Variants in MYO1E observed in about 807,000 individuals in gnomAD.
MYO1E encodes unconventional myosin-Ie.
Under a neutral mutation model 151.1 loss-of-function variants are expected in MYO1E, and 68 were observed. That is an observed-to-expected ratio of 0.45 (90% confidence interval 0.37 to 0.55). MYO1E has a LOEUF of 0.55. MYO1E is among the 20% of genes least tolerant of loss of function. The pLI, the probability that MYO1E is intolerant of heterozygous loss-of-function variation, is 0.00. For synonymous variants in MYO1E, 601 were observed against 501.7 expected (o/e 1.20, Z -2.64); for missense variants, 1,363 against 1,389.3 (o/e 0.98, Z 0.30).
At chr15:59,369,116 C>T (rs887424571) in intron 1 of MYO1E, among the ~76,000 whole-genome samples, 2 of 152,194 alleles carry the variant, frequency 1.3e-5, no homozygotes, top group Non-Finnish European at 2.9e-5. Flanking sequence ...AGGTTACCTT[C>T]CCAGGAAACA....
intron 2 of MYO1E, 170 bp downstream of exon 2, chr15:59,272,136 A>G: frequency 1.5e-6 from 1 of 671,816 alleles, no homozygotes; most frequent in Non-Finnish European, 2.6e-6. Context: ...TATTTTTTAT[A>G]ATAGAGATGG....
intron 11 of MYO1E, 41 bp downstream of exon 11, chr15:59,214,599 C>T (rs775006919): frequency 7.2e-5 from 107 of 1,476,504 alleles, no homozygotes; most frequent in Non-Finnish European, 8.8e-5. Context: ...AGATGAAATA[C>T]GTCACCCTCC....
At chr15:59,221,692 GC>G (rs2079957491) in intron 9 of MYO1E, among the ~76,000 whole-genome samples, 1 of 152,148 alleles carries the variant, frequency 6.6e-6, no homozygotes. Flanking sequence ...AGTTGCCAGT[GC>G]TCGGCCTTAC....
intron 15 of MYO1E, 64 bp from the exon 16 acceptor site, chr15:59,202,471 TTTC>T: frequency 6.7e-7 from 1 of 1,493,642 alleles, no homozygotes; most frequent in Non-Finnish European, 9.3e-7. Flanking sequence ...AAAGCCTGCC[TTTC>T]TAGAGGATGG....
intron 2 of MYO1E, among the ~76,000 whole-genome samples, chr15:59,270,569 A>G (rs1266839099): frequency 1.3e-5 from 2 of 151,854 alleles, no homozygotes; most frequent in Non-Finnish European, 2.9e-5. Flanking sequence ...AGAAAAGAAA[A>G]AAGAAAAAAA....
At chr15:59,306,629 A>T (rs2080516390) in intron 1 of MYO1E, among the ~76,000 whole-genome samples, 1 of 152,260 alleles carries the variant, frequency 6.6e-6, no homozygotes, top group Admixed American at 6.5e-5. Context: ...GGATTTAAAT[A>T]TATAAAATGC....
intron 1 of MYO1E, among the ~76,000 whole-genome samples, chr15:59,340,263 T>C (rs1210370267): frequency 6.6e-6 from 1 of 152,088 alleles, no homozygotes; most frequent in African/African-American, 2.4e-5. Flanking sequence ...TGAGCCATGA[T>C]CGTGCCACTG....
In MYO1E at chr15:59,158,437, A is replaced by G. The variant is rs909079143; in HGVS notation, c.2786-58T>C. 43 of 1,367,210 alleles carry G rather than the reference A, an allele frequency of 3.1e-5. 1 individual carries two copies. In the South Asian group the frequency reaches 5.2e-4, roughly 17 times the overall value. The allele number at this position is 1,367,210 out of a possible 1,614,324, so 84.7% of individuals were successfully genotyped here. Reference sequence around the variant, plus strand: ...CTACTGGTTGGTTTTATGGATCCTCATGGTTCTTTGCATATGGAAAATTTT... The same window carrying G: ...CTACTGGTTGGTTTTATGGATCCTCGTGGTTCTTTGCATATGGAAAATTTT... On this transcript the variant is annotated intron_variant, in intron 24 of 27. Transcript: ENST00000288235.
rs554365695 is a variant in MYO1E, at chr15:59,304,540, T to C, written c.4-32091A>G. On this transcript the variant is annotated intron_variant, in intron 1 of 27. Coordinates refer to ENST00000288235, the MANE Select transcript of MYO1E (RefSeq NM_004998.4). The stretch of plus-strand genomic sequence containing the variant: ...GGGCTTTCTTCTAATTATTTAGGTA[T>C]GACACAAAATAAATCATGTCATCTT... 3.3e-5 allele frequency among the ~76,000 whole-genome samples: 5 copies of C among 152,366 alleles called. No homozygotes were observed. The South Asian group carries it at 1.0e-3, about 32-fold the overall frequency.
chr15:59,334,332 G>T (rs1006215103), intron 1 of MYO1E, among the ~76,000 whole-genome samples: 1 of 152,130 alleles, frequency 6.6e-6, no homozygotes, highest in African/African-American at 2.4e-5. Flanking sequence ...TGGAATGTTT[G>T]TAACACAAAG....
Position 59,158,377 on chromosome 15 carries a change from G to A in MYO1E, c.2788C>T (p.Pro930Ser). 6.4e-7 allele frequency: 1 copy of A among 1,557,554 alleles called. No homozygotes were observed. Among genetic ancestry groups the A allele is most frequent in the South Asian group, 1.2e-5 (1 of 84,718 alleles). ...TTTTGGGTAGTGTTCCTTCTGGTAG[G>A]ACCTGAAATAAACAAGACAAAGTTA... ...IGPGLPKNSR[P>S]TRRNTTQNTG... is the part of the protein sequence containing the mutation. Residue 930 changes from proline to serine, a missense_variant and splice_region_variant, in exon 25 of 28, where the codon CCT becomes TCT. By Grantham distance (74) the Pro-to-Ser change is moderately conservative. Coordinates refer to ENST00000288235, the MANE Select transcript of MYO1E (RefSeq NM_004998.4).
intron 1 of MYO1E, among the ~76,000 whole-genome samples, chr15:59,356,442 A>G (rs1000197760): frequency 1.3e-5 from 2 of 152,164 alleles, no homozygotes; most frequent in South Asian, 4.1e-4. Flanking sequence ...CACGAGCAGC[A>G]GTTTTTTGGA....
At chr15:59,307,578 T>C (rs2080521935) in intron 1 of MYO1E, among the ~76,000 whole-genome samples, 2 of 151,888 alleles carry the variant, frequency 1.3e-5, no homozygotes, top group South Asian at 4.2e-4. Context: ...GTATATTATT[T>C]GTAAATGATT....
intron 1 of MYO1E, among the ~76,000 whole-genome samples, chr15:59,325,482 A>T (rs12593179): frequency 0.2 from 30,064 of 152,104 alleles, 3,828 homozygotes; most frequent in African/African-American, 0.36. Flanking sequence ...CCAGCACCTA[A>T]CTGCACCACA....
At chr15:59,170,322 C>T (rs1045146437) in intron 22 of MYO1E, among the ~76,000 whole-genome samples, 1 of 152,238 alleles carries the variant, frequency 6.6e-6, no homozygotes, top group Non-Finnish European at 1.5e-5. Context: ...AGCGACTACA[C>T]ACACCCTAGA....
intron 21 of MYO1E, 76 bp downstream of exon 21, chr15:59,173,670 C>A: frequency 6.3e-7 from 1 of 1,575,506 alleles, no homozygotes; most frequent in East Asian, 2.2e-5. Context: ...TTGGTAACAA[C>A]AAAAGCAAAA....
chr15:59,221,646 T>C (rs890815908), intron 9 of MYO1E, among the ~76,000 whole-genome samples: 1 of 152,194 alleles, frequency 6.6e-6, no homozygotes, highest in Non-Finnish European at 1.5e-5. Flanking sequence ...CCAATCTCCA[T>C]GCCTCCATCG....
intron 3 of MYO1E, among the ~76,000 whole-genome samples, chr15:59,261,092 A>C (rs994985946): frequency 6.6e-6 from 1 of 152,082 alleles, no homozygotes; most frequent in Non-Finnish European, 1.5e-5. Context: ...GCATGCCTGT[A>C]ATCTCAGCTA....
intron 1 of MYO1E, among the ~76,000 whole-genome samples, chr15:59,354,187 G>T (rs1379803478): frequency 6.6e-6 from 1 of 152,164 alleles, no homozygotes; most frequent in African/African-American, 2.4e-5. Flanking sequence ...GGAATTTGTG[G>T]GGAGCAGAAT....
Sources: gnomAD v4.1 joint callset for allele counts (sites outside exome capture counted in the v4.1 genomes callset) on GRCh38, gnomAD v4.1.1 for gene constraint, MANE v1.5 for transcripts, NCBI Gene and HGNC (gene_info 2026-07-23, HGNC 2026-07-21) for gene names.